SUMF1: variants seen among roughly 807,000 people sequenced by gnomAD.
The protein encoded by SUMF1 is formylglycine-generating enzyme.
SUMF1 carries 48 observed loss-of-function variants against 47.6 expected under a neutral mutation model. The ratio of observed to expected loss-of-function variants is 1.01; its 90% confidence interval spans 0.80 to 1.28. SUMF1 has a LOEUF of 1.28. SUMF1 is among the 50% of genes most tolerant of loss of function. The pLI is 0.00. For synonymous variants in SUMF1, 230 were observed against 192.1 expected (o/e 1.20, Z -1.63); for missense variants, 571 against 485.4 (o/e 1.18, Z -1.66).
intron 8 of SUMF1, among the ~76,000 whole-genome samples, chr3:4,367,717 CA>C (rs1481969170): frequency 6.6e-6 from 1 of 152,130 alleles, no homozygotes; most frequent in Non-Finnish European, 1.5e-5. Context: ...ACAAACCTGA[CA>C]AAAACAAGCA....
chr3:4,360,853 G>A (rs1294559404), downstream of SUMF1, among the ~76,000 whole-genome samples: 4 of 152,182 alleles, frequency 2.6e-5, no homozygotes, highest in African/African-American at 9.7e-5. Context: ...AAAACAAGGT[G>A]CTTTCCCGGC....
chr3:4,402,669 T>A (rs905289331), intron 7 of SUMF1, among the ~76,000 whole-genome samples: 1 of 152,088 alleles, frequency 6.6e-6, no homozygotes, highest in Non-Finnish European at 1.5e-5. Flanking sequence ...GCGACCACCA[T>A]CAAAGACAGC....
chr3:4,186,745 T>C (rs1695208832), intron 8 of SUMF1, among the ~76,000 whole-genome samples: 1 of 152,144 alleles, frequency 6.6e-6, no homozygotes, highest in Non-Finnish European at 1.5e-5. Context: ...ATTTAAATAT[T>C]GACGAAAATT....
chr3:4,193,045 A>T (rs1027318093), intron 8 of SUMF1, among the ~76,000 whole-genome samples: 4 of 152,048 alleles, frequency 2.6e-5, no homozygotes, highest in Non-Finnish European at 5.9e-5. Context: ...ATGTTTTTTA[A>T]ATGCAGTCCA....
chr3:4,142,043 T>G (rs1295390506), intron 8 of SUMF1, among the ~76,000 whole-genome samples: 1 of 152,166 alleles, frequency 6.6e-6, no homozygotes, highest in Non-Finnish European at 1.5e-5. Flanking sequence ...TGAATGATTT[T>G]GATATGTATT....
chr3:4,405,742 CA>C (rs1379103809), intron 7 of SUMF1, among the ~76,000 whole-genome samples: 1 of 152,194 alleles, frequency 6.6e-6, no homozygotes, highest in African/African-American at 2.4e-5. Flanking sequence ...GGACACTTTC[CA>C]AAATGTGTCT....
At chr3:4,377,526 G>A (rs1268426878) in intron 7 of SUMF1, among the ~76,000 whole-genome samples, 2 of 152,178 alleles carry the variant, frequency 1.3e-5, no homozygotes, top group African/African-American at 4.8e-5. Flanking sequence ...TTAGAGACAA[G>A]AAGTGTAGGA....
At chr3:4,360,826 T>A (rs546681690), downstream of SUMF1, among the ~76,000 whole-genome samples, 109 of 152,348 alleles carry the variant, frequency 7.2e-4, 1 homozygote, top group Non-Finnish European at 1.2e-3. Context: ...GGACCTTAGG[T>A]TGAAAGCTAT....
At chr3:4,349,367 C>T (rs189209163) in intron 8 of SUMF1, among the ~76,000 whole-genome samples, 37 of 152,256 alleles carry the variant, frequency 2.4e-4, no homozygotes, top group African/African-American at 7.5e-4. Context: ...GAAGTAGGAA[C>T]GTGTTTACAT....
chr3:4,263,867 G>T (rs989472879), intron 8 of SUMF1, among the ~76,000 whole-genome samples: 2 of 152,118 alleles, frequency 1.3e-5, no homozygotes, highest in Admixed American at 6.5e-5. Context: ...CTACCCTGAC[G>T]ATTGCAATTG....
rs58509958 is a variant in SUMF1 at position 4,350,955 on chromosome 3, A to C, written c.1014+25375T>G. ...GTACAACAAAAAAAGAAAAAAAAAA[A>C]TCAAACCAATACAACAAACCCAAAC... On this transcript the variant is annotated intron_variant and NMD_transcript_variant, in intron 8 of 12. Transcript: ENST00000448413. Among the ~76,000 whole-genome samples the C allele has an allele frequency of 2.0e-5, 3 of 151,944 alleles. 1 individual carries two copies. In the South Asian group the frequency reaches 6.2e-4, roughly 32 times the overall value.
intron 8 of SUMF1, among the ~76,000 whole-genome samples, chr3:4,156,783 C>G (rs1489029461): frequency 1.3e-5 from 2 of 151,608 alleles, no homozygotes; most frequent in Non-Finnish European, 1.5e-5. Context: ...ACAACCCAAG[C>G]GAATTCAATC....
At chr3:4,060,691 C>T (rs574020102) in intron 9 of SUMF1, among the ~76,000 whole-genome samples, 9 of 152,028 alleles carry the variant, frequency 5.9e-5, no homozygotes, top group Non-Finnish European at 1.5e-5. Flanking sequence ...TGAGTTTGCA[C>T]CAACTTTCAA....
At chr3:4,461,008 G>A (rs1374362425) in intron 1 of SUMF1, among the ~76,000 whole-genome samples, 2 of 152,016 alleles carry the variant, frequency 1.3e-5, no homozygotes, top group Non-Finnish European at 2.9e-5. Flanking sequence ...GCTCTTTGAG[G>A]ACCAGAAATG....
chr3:4,300,261 C>T (rs1225545935), intron 8 of SUMF1, among the ~76,000 whole-genome samples: 1 of 152,224 alleles, frequency 6.6e-6, no homozygotes, highest in Non-Finnish European at 1.5e-5. Flanking sequence ...CCTGCTTCCT[C>T]TTCACCTTCT....
chr3:4,078,041 A>G (rs907924842), intron 8 of SUMF1, among the ~76,000 whole-genome samples: 1 of 152,024 alleles, frequency 6.6e-6, no homozygotes, highest in African/African-American at 2.4e-5. Flanking sequence ...GGGACTCACA[A>G]ATTATGTAGC....
intron 8 of SUMF1, among the ~76,000 whole-genome samples, chr3:4,121,998 AAATAATGGCCTCCAGCT>A (rs1693555922): frequency 6.6e-6 from 1 of 152,178 alleles, no homozygotes; most frequent in Non-Finnish European, 1.5e-5. Flanking sequence ...AATTTGTTAA[AAATAATGGCCTCCAGCT>A]CCATCCATGT....
At chr3:4,249,047 C>G (rs1444055) in intron 8 of SUMF1, among the ~76,000 whole-genome samples, 14,478 of 152,210 alleles carry the variant, frequency 0.095, 1,628 homozygotes, top group African/African-American at 0.27. Context: ...TGCTGGTGTG[C>G]CTGGAGCCAC....
chr3:4,098,359 TA>T (rs1216964313), intron 8 of SUMF1, among the ~76,000 whole-genome samples: 5 of 152,126 alleles, frequency 3.3e-5, no homozygotes, highest in African/African-American at 1.2e-4. Flanking sequence ...ATTTCAAGGC[TA>T]CAGACACATA....
Sources: allele counts gnomAD v4.1 joint callset (sites outside exome capture counted in the v4.1 genomes callset), GRCh38; gene constraint gnomAD v4.1.1; transcripts MANE v1.5; gene names NCBI Gene and HGNC (gene_info 2026-07-23, HGNC 2026-07-21).